NEK5: variants seen among roughly 807,000 people sequenced by gnomAD.
NEK5 encodes the protein NIMA related kinase 5.
A neutral mutation model predicts 109.2 loss-of-function variants in NEK5; 88 were observed. The observed-to-expected ratio is 0.81, with a 90% CI of 0.68 to 0.96. NEK5 has a LOEUF of 0.96. NEK5 is among the 40% of genes least tolerant of loss of function. The probability of loss-of-function intolerance (pLI) is 0.00; values close to 1 mark genes in which losing one functional copy is unlikely to be tolerated. For missense variants in NEK5, 834 were observed against 920.7 expected (o/e 0.91, Z 1.22); for synonymous variants, 283 against 299.9 (o/e 0.94, Z 0.58).
Position 52,104,537 on chromosome 13 carries a change from A to G in NEK5, c.570T>C (p.Leu190=), listed in dbSNP as rs1245223381. The part of the protein sequence containing the change: ...PYNNKTDIWS[L]GCVLYELCTL... Reference sequence around the variant, plus strand: ...TGCAGAGCTCATATAAGACACAGCCAAGAGACCAAATATCCCTAAAGAAGA... The same window carrying G: ...TGCAGAGCTCATATAAGACACAGCCGAGAGACCAAATATCCCTAAAGAAGA... The change falls in exon 9 of 24, where the codon CTT becomes CTC. Residue 190 remains leucine (L), a synonymous_variant. Transcript: ENST00000684899. 1.9e-6 allele frequency: 3 copies of G among 1,605,258 alleles called. No individual in the cohort carries two copies. Among genetic ancestry groups the G allele is most frequent in the East Asian group, 2.2e-5 (1 of 44,760 alleles).
intron 17 of NEK5, among the ~76,000 whole-genome samples, chr13:52,081,951 T>C (rs569772289): frequency 6.6e-6 from 1 of 152,346 alleles, no homozygotes; most frequent in East Asian, 1.9e-4. Context: ...TTTCCATTTC[T>C]AGTTGACTCT....
intron 3 of NEK5, among the ~76,000 whole-genome samples, chr13:52,120,772 C>T (rs376067602): frequency 2.6e-5 from 4 of 151,900 alleles, no homozygotes; most frequent in East Asian, 1.9e-4. Context: ...ATTAGCCAGG[C>T]GTGGTGGCAC....
rs147686418 is a variant in NEK5, at chr13:52,081,187, T to A, written c.1572+2073A>T. On this transcript the variant is annotated intron_variant, in intron 17 of 23. Coordinates refer to ENST00000684899, the MANE Select transcript of NEK5 (RefSeq NM_001365552.1). ...TATTTTGGAAAGATAACTCTACAAGTAGAGACTTTTTTAAAGTGTCTTATT... is the reference window on the plus strand; with the variant it reads ...TATTTTGGAAAGATAACTCTACAAGAAGAGACTTTTTTAAAGTGTCTTATT... Among the ~76,000 whole-genome samples the A allele has an allele frequency of 1.8e-4, 27 of 152,242 alleles. 1 individual carries two copies. The East Asian group carries it at 4.6e-3, about 26-fold the overall frequency.
At chr13:52,073,259 T>C (rs985173520) in intron 19 of NEK5, among the ~76,000 whole-genome samples, 10 of 151,566 alleles carry the variant, frequency 6.6e-5, no homozygotes, top group Non-Finnish European at 1.5e-4. Context: ...ACCAATAAAA[T>C]AAAATGGGAG....
chr13:52,045,463 T>C (rs1442504411), intron 23 of NEK5, among the ~76,000 whole-genome samples: 3 of 149,384 alleles, frequency 2.0e-5, no homozygotes, highest in Non-Finnish European at 3.0e-5. Flanking sequence ...AGGAGTTATT[T>C]GGGGAAAAAA....
intron 23 of NEK5, among the ~76,000 whole-genome samples, chr13:52,038,398 C>T (rs571539568): frequency 3.3e-5 from 5 of 152,074 alleles, no homozygotes; most frequent in East Asian, 1.9e-4. Flanking sequence ...AGATGTGTAT[C>T]GTGGAAGCCA....
At position 52,102,170 on chromosome 13, in the gene NEK5, A is replaced by C; in HGVS notation, c.732T>G (p.Pro244=). ...TGGAATTTATGGATGGTCGGTCTCG[A>C]GGAGATACTTGAAAGAGCTGAGATA... ...SLISQLFQVS[P]RDRPSINSIL... The change falls in exon 10 of 24, where the codon CCT becomes CCG. Residue 244 remains proline (P), a synonymous_variant. Coordinates refer to ENST00000684899, the MANE Select transcript of NEK5 (RefSeq NM_001365552.1). The C allele has an allele frequency of 6.2e-7, 1 of 1,613,976 alleles. No individual in the cohort carries two copies. The highest frequency in any genetic ancestry group is 8.5e-7 in the Non-Finnish European group (1 of 1,179,856).
intron 20 of NEK5, among the ~76,000 whole-genome samples, chr13:52,068,094 T>C (rs1954720159): frequency 6.6e-6 from 1 of 152,116 alleles, no homozygotes; most frequent in African/African-American, 2.4e-5. Context: ...TCATGCCTTA[T>C]GCAAATGAAA....
Position 52,069,937 on chromosome 13 carries a change from T to C in NEK5, c.1849+2007A>G, listed in dbSNP as rs146519068. Among the ~76,000 whole-genome samples, 164 of 152,302 alleles carry C rather than the reference T, an allele frequency of 1.1e-3. 1 individual carries two copies. Among genetic ancestry groups the C allele is most frequent in the Admixed American group, 2.8e-3 (43 of 15,292 alleles). Reference sequence around the variant, plus strand: ...ACATTTCAGGCTCAGAAAACATGTTTTGTGACTTTTTTGCTCATAACACTT... The same window carrying C: ...ACATTTCAGGCTCAGAAAACATGTTCTGTGACTTTTTTGCTCATAACACTT... On this transcript the variant is annotated intron_variant, in intron 20 of 23. Transcript: ENST00000684899.
At chr13:52,048,967 A>G (rs1161755340) in intron 23 of NEK5, among the ~76,000 whole-genome samples, 2 of 152,158 alleles carry the variant, frequency 1.3e-5, no homozygotes, top group South Asian at 4.1e-4. Context: ...AAAATTGCTG[A>G]GAGTAGATTT....
chr13:52,112,845 TA>T (rs1197243290), intron 4 of NEK5, among the ~76,000 whole-genome samples: 1 of 152,162 alleles, frequency 6.6e-6, no homozygotes, highest in Non-Finnish European at 1.5e-5. Context: ...GACCTCTGCC[TA>T]AACCACTCAC....
intron 23 of NEK5, among the ~76,000 whole-genome samples, chr13:52,045,210 A>G (rs966379811): frequency 2.8e-5 from 4 of 144,778 alleles, no homozygotes; most frequent in Non-Finnish European, 6.0e-5. Flanking sequence ...GCTCACTGCA[A>G]GCTCTGCCTC....
chr13:52,081,616 C>T (rs1235269503), intron 17 of NEK5, among the ~76,000 whole-genome samples: 2 of 152,254 alleles, frequency 1.3e-5, no homozygotes, highest in Non-Finnish European at 2.9e-5. Context: ...AGTAGAGAGA[C>T]AATAATCATT....
intron 17 of NEK5, among the ~76,000 whole-genome samples, chr13:52,079,852 G>A (rs1178323580): frequency 1.3e-5 from 2 of 152,024 alleles, no homozygotes; most frequent in Non-Finnish European, 2.9e-5. Flanking sequence ...TCTAGGAAGT[G>A]AGGAGCGTCT....
At chr13:52,053,759 C>A (rs879658328) in intron 22 of NEK5, among the ~76,000 whole-genome samples, 1 of 152,140 alleles carries the variant, frequency 6.6e-6, no homozygotes, top group Admixed American at 6.6e-5. Context: ...CCCCACATAC[C>A]CTCCATACCA....
chr13:52,065,437 G>A (rs762027323), intron 21 of NEK5, 47 bp downstream of exon 21: 2 of 1,613,830 alleles, frequency 1.2e-6, no homozygotes, highest in Non-Finnish European at 1.7e-6. Context: ...GGCTGTACGG[G>A]TCCTTGGTCT....
Position 52,061,937 on chromosome 13 carries a change from C to T in NEK5, c.1992G>A (p.Val664=). 1 of 786,858 alleles carries T rather than the reference C, an allele frequency of 1.3e-6. No individual in the cohort carries two copies. The highest frequency in any genetic ancestry group is 6.2e-5 in the Admixed American group (1 of 16,028). 48.7% of individuals were successfully genotyped at this position (786,858 alleles called of 1,614,324 possible). The part of the protein sequence containing the change: ...PTGPDNGQVI[V]IEGIPGNRKQ... ...TCCTGTTTCCTGGAATGCCTTCAATCACAATAACTTGGCCATCTGAAGAGG... is the reference window on the plus strand; with the variant it reads ...TCCTGTTTCCTGGAATGCCTTCAATTACAATAACTTGGCCATCTGAAGAGG... Residue 664 remains valine (V), a synonymous_variant, in exon 22 of 24, where the codon GTG becomes GTA. Coordinates refer to ENST00000684899, the MANE Select transcript of NEK5 (RefSeq NM_001365552.1).
At chr13:52,102,430 G>A (rs538497569) in intron 9 of NEK5, 138 bp from the exon 10 acceptor site, 3 of 703,710 alleles carry the variant, frequency 4.3e-6, no homozygotes, top group Non-Finnish European at 7.2e-6. Context: ...AGGGTCACCT[G>A]TAATCCCAGC....
In NEK5 at chr13:52,084,724, A is replaced by C. The variant is rs1186397467; in HGVS notation, c.1480-1372T>G. On this transcript the variant is annotated intron_variant, in intron 16 of 23. Coordinates refer to ENST00000684899, the MANE Select transcript of NEK5 (RefSeq NM_001365552.1). ...GGCTAATTTAAAGAGAGAGAGAGAG[A>C]GAGAGAGAGTGAGAGAGAGAGAGAG... Among the ~76,000 whole-genome samples the C allele has an allele frequency of 4.5e-5, 6 of 133,444 alleles. No homozygotes were observed. In the East Asian group the frequency reaches 1.3e-3, roughly 30 times the overall value. The allele number at this position is 133,444 out of a possible 152,430, so 87.5% of individuals were successfully genotyped here.
Sources: gnomAD v4.1 joint callset for allele counts (sites outside exome capture counted in the v4.1 genomes callset) on GRCh38, gnomAD v4.1.1 for gene constraint, MANE v1.5 for transcripts, NCBI Gene and HGNC (gene_info 2026-07-23, HGNC 2026-07-21) for gene names.